Variants in SNRK observed in about 807,000 individuals in gnomAD.
The protein encoded by SNRK is SNF related kinase, also known as SNF-related serine/threonine-protein kinase.
In SNRK, 3 loss-of-function variants were observed where a neutral mutation model predicts 48.2. That is an observed-to-expected ratio of 0.06 (90% CI 0.03 to 0.16). The LOEUF is 0.16. Among genes scored for constraint, SNRK ranks in the 10% least tolerant of loss-of-function variants. The pLI is 1.00. For synonymous variants in SNRK, 376 were observed against 366.1 expected, an observed-to-expected ratio of 1.03 and a Z score of -0.31; for missense variants, 627 against 976.0, an observed-to-expected ratio of 0.64 and a Z score of 4.76.
intron 3 of SNRK, among the ~76,000 whole-genome samples, chr3:43,316,200 GTACTTATTAT>G (rs1461087988): frequency 6.6e-6 from 1 of 151,882 alleles, no homozygotes; most frequent in Admixed American, 6.6e-5. Context: ...TTTAGCTGTG[GTACTTATTAT>G]TCTCACTGTG....
chr3:43,326,775 T>C (rs2091099967), intron 3 of SNRK, among the ~76,000 whole-genome samples: 1 of 152,150 alleles, frequency 6.6e-6, no homozygotes, highest in Non-Finnish European at 1.5e-5. Flanking sequence ...AATGATAAGC[T>C]TAGTTTTAGC....
intron 3 of SNRK, among the ~76,000 whole-genome samples, chr3:43,309,814 C>T (rs756580822): frequency 9.0e-4 from 137 of 152,044 alleles, no homozygotes; most frequent in Non-Finnish European, 1.8e-3. Context: ...TAGAGTCTTA[C>T]TATGTTGCCT....
chr3:43,301,472 C>G (rs190864804), intron 2 of SNRK, among the ~76,000 whole-genome samples: 78 of 152,178 alleles, frequency 5.1e-4, no homozygotes, highest in Non-Finnish European at 9.3e-4. Flanking sequence ...AAAAATGAGA[C>G]CAGTGCTGAC....
intron 2 of SNRK, among the ~76,000 whole-genome samples, chr3:43,301,314 A>G (rs1241307181): frequency 1.3e-5 from 2 of 152,214 alleles, no homozygotes; most frequent in Non-Finnish European, 2.9e-5. Context: ...TTTTAACTCT[A>G]AAAATAATAT....
chr3:43,343,618 A>C (rs1051800862), intron 6 of SNRK, 140 bp downstream of exon 6: 19 of 915,728 alleles, frequency 2.1e-5, no homozygotes, highest in Admixed American at 5.6e-5. Context: ...GAGGCCACAC[A>C]CGGGCTCTTC....
chr3:43,317,434 C>G (rs17075558), intron 3 of SNRK, among the ~76,000 whole-genome samples: 11,931 of 152,220 alleles, frequency 0.078, 587 homozygotes, highest in African/African-American at 0.12. Context: ...TTTCAGGTAA[C>G]CCTTACTCAT....
chr3:43,329,977 A>T (rs1263696681), intron 3 of SNRK, among the ~76,000 whole-genome samples: 1 of 152,232 alleles, frequency 6.6e-6, no homozygotes, highest in Non-Finnish European at 1.5e-5. Flanking sequence ...CATGGACAAG[A>T]GGTAAAAAAC....
Position 43,340,481 on chromosome 3 carries a change from A to T in SNRK, c.926A>T (p.Asp309Val). The change falls in exon 5 of 7, where the codon GAT (aspartate) becomes GTT (valine). Residue 309 changes from aspartate (D) to valine (V), a missense_variant. Physicochemically the swap from Asp to Val is radical, Grantham distance 152. Coordinates refer to ENST00000296088, the MANE Select transcript of SNRK (RefSeq NM_017719.5). ...CGCATGGTGCTTGGGGACATAGCGG[A>T]TCGAGACGCCATTGTAGAGTACGTC... ...IQRMVLGDIA[D>V]RDAIVEALET... 1 of 1,614,182 alleles carries T rather than the reference A, an allele frequency of 6.2e-7. No homozygotes were observed. The highest frequency in any genetic ancestry group is 8.5e-7 in the Non-Finnish European group (1 of 1,180,028).
At chr3:43,296,092 T>C (rs1284864910) in intron 1 of SNRK, among the ~76,000 whole-genome samples, 1 of 152,000 alleles carries the variant, frequency 6.6e-6, no homozygotes, top group Non-Finnish European at 1.5e-5. Flanking sequence ...CATGATAGGG[T>C]TGTGTTTATT....
Position 43,286,590 on chromosome 3 carries a change from T to G in SNRK, c.-254T>G, listed in dbSNP as rs545317748. 1 of 150,264 alleles carries G rather than the reference T, an allele frequency of 6.7e-6. No homozygotes were observed. The highest frequency in any genetic ancestry group is 2.1e-4 in the South Asian group (1 of 4,816). 9.3% of individuals were successfully genotyped at this position (150,264 alleles called of 1,614,324 possible). Reference sequence around the variant, plus strand: ...GCCGGCAGCCCGCTCGGTATTATGATTAGCGCTGGGTGCGGGGTTTCGGCG... The same window carrying G: ...GCCGGCAGCCCGCTCGGTATTATGAGTAGCGCTGGGTGCGGGGTTTCGGCG... On this transcript the variant is annotated 5_prime_UTR_variant, in exon 1 of 7. Coordinates refer to ENST00000296088, the MANE Select transcript of SNRK (RefSeq NM_017719.5).
At chr3:43,287,228 G>T (rs2090772906) in intron 1 of SNRK, among the ~76,000 whole-genome samples, 1 of 152,180 alleles carries the variant, frequency 6.6e-6, no homozygotes, top group Admixed American at 6.5e-5. Context: ...AAGGAAAGAG[G>T]AGCAGTGCCA....
At position 43,347,210 on chromosome 3, in the gene SNRK, G is replaced by T; in HGVS notation, c.1080-129G>T. 1 of 1,011,512 alleles carries T rather than the reference G, an allele frequency of 9.9e-7. No individual in the cohort carries two copies. The highest frequency in any genetic ancestry group is 1.4e-6 in the Non-Finnish European group (1 of 709,404). The allele number at this position is 1,011,512 out of a possible 1,614,324, so 62.7% of individuals were successfully genotyped here. A position where few individuals can be genotyped will look rare whatever the true frequency, so the allele number is the denominator to read the frequency against. On this transcript the variant is annotated intron_variant, in intron 6 of 6. Coordinates refer to ENST00000296088, the MANE Select transcript of SNRK (RefSeq NM_017719.5). The surrounding 1 kb of genome is among the most constrained non-coding windows in gnomAD (Gnocchi z 5.4). ...CTGATGTTTACAGGATGTTGAATGGGTTTGCAAGGCTGCTGCTTTTTTCTT... is the reference window on the plus strand; with the variant it reads ...CTGATGTTTACAGGATGTTGAATGGTTTTGCAAGGCTGCTGCTTTTTTCTT...
intron 4 of SNRK, chr3:43,333,531 A>T (rs1238346059): frequency 6.6e-6 from 1 of 152,084 alleles, no homozygotes; most frequent in Non-Finnish European, 1.5e-5. Context: ...TCCTTAGCAC[A>T]TAGGAAACTA....
chr3:43,347,833 G>A lies in SNRK; in HGVS notation c.1574G>A (p.Arg525His), dbSNP rs774717922. 7 of 1,614,056 alleles carry A rather than the reference G, an allele frequency of 4.3e-6. No homozygotes were observed. In the African/African-American group the frequency reaches 6.7e-5, roughly 15 times the overall value. Residue 525 changes from arginine to histidine, a missense_variant, in exon 7 of 7, where the codon CGC (arginine) becomes CAC (histidine). Physicochemically the swap from Arg to His is conservative, Grantham distance 29. Around this residue, in one of 4 missense-constraint regions of SNRK, gnomAD observed 98 missense variants for 175.2 expected, o/e 0.56. Transcript: ENST00000296088. The surrounding 1 kb of genome is among the most constrained non-coding windows in gnomAD (Gnocchi z 5.4). The stretch of plus-strand genomic sequence containing the variant: ...GCTTCTCCAGGTACAGTTCACAAAC[G>A]CTACCACCGGAGGAAAAGTCAGGGC... ...NIASPGTVHK[R>H]YHRRKSQGRG...
In SNRK at chr3:43,348,194, G is replaced by C. The variant is rs1177395325; in HGVS notation, c.1935G>C (p.Glu645Asp). 6.2e-7 allele frequency: 1 copy of C among 1,602,730 alleles called. No homozygotes were observed. Among genetic ancestry groups the C allele is most frequent in the Non-Finnish European group, 8.5e-7 (1 of 1,175,064 alleles). Residue 645 changes from glutamate to aspartate, a missense_variant, in exon 7 of 7, where the codon GAG becomes GAC. Coordinates refer to ENST00000296088, the MANE Select transcript of SNRK (RefSeq NM_017719.5). ...LASRSAGELV[E>D]SLKLMSLCLG... ...CTCGCAGTGCTGGGGAGCTCGTTGA[G>C]AGCCTCAAACTCATGAGCCTCTGCC...
Position 43,350,512 on chromosome 3 carries a change from A to G in SNRK, c.*1955A>G, listed in dbSNP as rs2091315028. ...AATGGTTTTTTATATTCAGATGTAT[A>G]TATGGTGCTCACTTTAGGATCAGCA... On this transcript the variant is annotated 3_prime_UTR_variant, in exon 7 of 7. Transcript: ENST00000296088. 1.3e-5 allele frequency: 2 copies of G among 152,646 alleles called. No individual in the cohort carries two copies. Among genetic ancestry groups the G allele is most frequent in the Admixed American group, 1.3e-4 (2 of 15,286 alleles). 9.5% of individuals were successfully genotyped at this position (152,646 alleles called of 1,614,324 possible).
chr3:43,329,428 A>G (rs2125637412), intron 3 of SNRK, among the ~76,000 whole-genome samples: 1 of 151,344 alleles, frequency 6.6e-6, no homozygotes, highest in Middle Eastern at 3.4e-3. Context: ...ACAGAGCGAG[A>G]CTCCGTCTCA....
chr3:43,348,481 C>T lies in SNRK; in HGVS notation c.2222C>T (p.Ser741Phe). 6.2e-7 allele frequency: 1 copy of T among 1,600,892 alleles called. No individual in the cohort carries two copies. The highest frequency in any genetic ancestry group is 8.5e-7 in the Non-Finnish European group (1 of 1,174,266). The part of the protein sequence containing the change: ...LQLPLCEKTI[S>F]VNIQRNPKEG... ...CTACCTCTGTGCGAAAAGACCATCTCTGTGAACATCCAGCGGAACCCTAAG... is the reference window on the plus strand; with the variant it reads ...CTACCTCTGTGCGAAAAGACCATCTTTGTGAACATCCAGCGGAACCCTAAG... The change falls in exon 7 of 7, where the codon TCT becomes TTT. Residue 741 changes from serine to phenylalanine, a missense_variant. Coordinates refer to ENST00000296088, the MANE Select transcript of SNRK (RefSeq NM_017719.5).
intron 1 of SNRK, among the ~76,000 whole-genome samples, chr3:43,289,075 C>A (rs1433622277): frequency 6.6e-6 from 1 of 152,158 alleles, no homozygotes; most frequent in South Asian, 2.1e-4. Context: ...ACTGTAGGTT[C>A]TTAGAAGCTA....
Sources: allele counts gnomAD v4.1 joint callset (sites outside exome capture counted in the v4.1 genomes callset), GRCh38; gene constraint gnomAD v4.1.1; regional missense constraint gnomAD v4.1.1; non-coding constraint Gnocchi (gnomAD v3.1); transcripts MANE v1.5; gene names NCBI Gene and HGNC (gene_info 2026-07-23, HGNC 2026-07-21).